Variants in TGIF1 observed in about 807,000 individuals in gnomAD.
TGIF1 encodes the protein homeobox protein TGIF1.
A neutral mutation model predicts 19.3 loss-of-function variants in TGIF1; 4 were observed. That is an observed-to-expected ratio of 0.21 (90% confidence interval 0.10 to 0.47). The LOEUF (loss-of-function observed/expected upper bound fraction) is 0.47, where lower values mean the gene tolerates loss of function less well. Among genes scored for constraint, TGIF1 ranks in the 20% least tolerant of loss-of-function variants. The pLI, the probability that TGIF1 is intolerant of heterozygous loss-of-function variation, is 0.98. For missense variants in TGIF1, 275 were observed against 341.4 expected (o/e 0.81, Z 1.53); for synonymous variants, 122 against 129.3 (o/e 0.94, Z 0.38).
intron 2 of TGIF1, among the ~76,000 whole-genome samples, chr18:3,423,741 G>C (rs903120299): frequency 1.3e-5 from 2 of 151,964 alleles, no homozygotes; most frequent in Admixed American, 6.6e-5. Flanking sequence ...TGCAATCCCA[G>C]CTACTCGGGA....
At chr18:3,417,849 A>G (rs1268981282) in intron 1 of TGIF1, among the ~76,000 whole-genome samples, 1 of 152,128 alleles carries the variant, frequency 6.6e-6, no homozygotes, top group Non-Finnish European at 1.5e-5. Flanking sequence ...CTGTAACCCT[A>G]GCACTTTGGG....
intron 1 of TGIF1, chr18:3,455,725 T>C (rs1268199453): frequency 6.4e-6 from 1 of 156,628 alleles, no homozygotes; most frequent in African/African-American, 2.4e-5. Context: ...TAAATGTGGA[T>C]AGCAATGAAT....
Position 3,459,192 on chromosome 18 carries a change from T to C in TGIF1, c.*1252T>C, listed in dbSNP as rs2143437735. Reference sequence around the variant, plus strand: ...AGCTTGCTTTGTTGTTACGGTCATGTTCTTTCCAGCCCTGCCCCAGCTATG... The same window carrying C: ...AGCTTGCTTTGTTGTTACGGTCATGCTCTTTCCAGCCCTGCCCCAGCTATG... On this transcript the variant is annotated 3_prime_UTR_variant, in exon 3 of 3. Coordinates refer to ENST00000343820, the MANE Select transcript of TGIF1 (RefSeq NM_003244.4). 6.6e-6 allele frequency: 1 copy of C among 152,234 alleles called. No homozygotes were observed. Among genetic ancestry groups the C allele is most frequent in the East Asian group, 1.9e-4 (1 of 5,196 alleles). 9.4% of individuals were successfully genotyped at this position (152,234 alleles called of 1,614,324 possible).
At chr18:3,416,950 A>AAC (rs1568026177) in intron 1 of TGIF1, among the ~76,000 whole-genome samples, 13 of 151,768 alleles carry the variant, frequency 8.6e-5, no homozygotes, top group African/African-American at 2.2e-4. Flanking sequence ...ACAACAACAA[A>AAC]AAAAAGATTT....
At chr18:3,433,651 C>G (rs531202400) in intron 2 of TGIF1, among the ~76,000 whole-genome samples, 162 of 152,240 alleles carry the variant, frequency 1.1e-3, no homozygotes, top group African/African-American at 3.8e-3. Flanking sequence ...AGAACGATGA[C>G]TTAGTGTTTA....
intron 1 of TGIF1, 87 bp downstream of exon 1, chr18:3,450,592 G>C (rs2082878158): frequency 1.9e-6 from 3 of 1,546,866 alleles, no homozygotes; most frequent in Non-Finnish European, 2.6e-6. Flanking sequence ...GTCACTTGGT[G>C]GACTTTTCCG....
upstream of TGIF1, among the ~76,000 whole-genome samples, chr18:3,449,251 C>G (rs182814444): frequency 3.3e-5 from 5 of 152,074 alleles, no homozygotes; most frequent in Non-Finnish European, 5.9e-5. Context: ...GGTTCCAATC[C>G]GAAGAGTAGA....
intron 2 of TGIF1, among the ~76,000 whole-genome samples, chr18:3,440,254 G>A (rs1453122872): frequency 1.3e-5 from 2 of 151,820 alleles, no homozygotes; most frequent in African/African-American, 4.8e-5. Context: ...GGGAGGCTGA[G>A]GCAGGAGAAT....
Position 3,457,561 on chromosome 18 carries a change from G to A in TGIF1, c.440G>A (p.Gly147Glu). The A allele has an allele frequency of 1.9e-6, 3 of 1,614,062 alleles. No homozygotes were observed. The highest frequency in any genetic ancestry group is 1.6e-4 in the Middle Eastern group (1 of 6,062). ...EETPFHSCTA[G>E]PNPTLGRPLS... ...ACCCCATTTCATTCCTGTACAGCTG[G>A]GCCAAACCCAACCCTAGGGAGGCCA... Residue 147 changes from glycine to glutamate, a missense_variant, in exon 3 of 3, where the codon GGG becomes GAG. Coordinates refer to ENST00000343820, the MANE Select transcript of TGIF1 (RefSeq NM_003244.4). This position sits in a 1 kb window ranked among gnomAD's most constrained non-coding sequence, Gnocchi z 4.9.
At chr18:3,444,278 TTTC>T (rs761640351) in intron 2 of TGIF1, among the ~76,000 whole-genome samples, 1 of 122,470 alleles carries the variant, frequency 8.2e-6, no homozygotes, top group Non-Finnish European at 1.8e-5. Flanking sequence ...ATAGTCTCAC[TTTC>T]TTTTCTTTTT....
intron 2 of TGIF1, among the ~76,000 whole-genome samples, chr18:3,436,948 T>C (rs1396906111): frequency 6.6e-6 from 1 of 150,714 alleles, no homozygotes; most frequent in Non-Finnish European, 1.5e-5. Context: ...CTACTAAAAA[T>C]ACAAAAATTA....
intron 2 of TGIF1, among the ~76,000 whole-genome samples, chr18:3,428,010 G>A (rs575242556): frequency 1.3e-5 from 2 of 152,208 alleles, no homozygotes; most frequent in Non-Finnish European, 2.9e-5. Context: ...CTTTCAGGTG[G>A]CCCATGAGGT....
intron 2 of TGIF1, among the ~76,000 whole-genome samples, chr18:3,422,677 T>TTTGTTTTTTTG (rs1377712836): frequency 3.8e-5 from 1 of 26,246 alleles, no homozygotes; most frequent in Admixed American, 7.2e-4. Flanking sequence ...GGTGGCCTTT[T>TTTGTTTTTTTG]TTTTTTTTTT....
rs387462 is a variant in TGIF1 at position 3,458,999 on chromosome 18, T to A, written c.*1059T>A. The A allele has an allele frequency of 0.37, 56,992 of 152,132 alleles. 11,051 individuals are homozygous for A. The highest frequency in any genetic ancestry group is 0.41 in the Non-Finnish European group (27,901 of 67,984). The allele number at this position is 152,132 out of a possible 1,614,324, so 9.4% of individuals were successfully genotyped here. ...TATTAGGTGAGTATTTTCCAAGGTC[T>A]CAGTTTGTGAAAAAATGGTGCTATG... On this transcript the variant is annotated 3_prime_UTR_variant, in exon 3 of 3. Transcript: ENST00000343820.
chr18:3,419,456 G>A (rs1031524172), intron 2 of TGIF1, among the ~76,000 whole-genome samples: 5 of 152,128 alleles, frequency 3.3e-5, no homozygotes, highest in African/African-American at 9.7e-5. Flanking sequence ...AAGACACCAC[G>A]CTTGTATTAG....
chr18:3,425,686 G>A (rs1043067565), intron 2 of TGIF1, among the ~76,000 whole-genome samples: 2 of 151,940 alleles, frequency 1.3e-5, no homozygotes, highest in African/African-American at 4.8e-5. Flanking sequence ...GCATGGCCCC[G>A]TCCCTAGCCT....
chr18:3,437,764 G>A (rs2082632654), intron 2 of TGIF1, among the ~76,000 whole-genome samples: 1 of 152,172 alleles, frequency 6.6e-6, no homozygotes, highest in African/African-American at 2.4e-5. Context: ...TAATCCCCTT[G>A]GAAAATGCAT....
At chr18:3,439,686 G>GT (rs1275805411) in intron 2 of TGIF1, among the ~76,000 whole-genome samples, 1 of 151,868 alleles carries the variant, frequency 6.6e-6, no homozygotes, top group Non-Finnish European at 1.5e-5. Context: ...ACTAGTAGAC[G>GT]TGTGTGAATT....
chr18:3,452,042 C>CG (rs776714896), intron 1 of TGIF1: 43 of 1,612,426 alleles, frequency 2.7e-5, no homozygotes, highest in Non-Finnish European at 3.6e-5. Flanking sequence ...CGGGCTCCGG[C>CG]GGGGGCGGCT....
Sources: allele counts gnomAD v4.1 joint callset (sites outside exome capture counted in the v4.1 genomes callset), GRCh38; gene constraint gnomAD v4.1.1; non-coding constraint Gnocchi (gnomAD v3.1); transcripts MANE v1.5; gene names NCBI Gene and HGNC (gene_info 2026-07-23, HGNC 2026-07-21).